The following TNFSF4 variants were observed in gnomAD, a reference collection of about 807,000 sequenced individuals.
TNFSF4 encodes the protein tumor necrosis factor ligand superfamily member 4.
TNFSF4 carries 4 observed loss-of-function variants against 7.3 expected under a neutral mutation model. That is an observed-to-expected ratio of 0.55 (90% CI 0.27 to 1.25). The LOEUF is 1.25. Ranked by LOEUF, TNFSF4 falls within the 50% of genes most tolerant of loss-of-function variation. The probability of loss-of-function intolerance (pLI) is 0.12; values close to 1 mark genes in which losing one functional copy is unlikely to be tolerated. For missense variants in TNFSF4, 181 were observed against 208.8 expected (o/e 0.87, Z 0.82); for synonymous variants, 76 against 83.7 (o/e 0.91, Z 0.50).
chr1:173,427,271 T>C, the TNFSF4 span, among the ~76,000 whole-genome samples: 1 of 152,100 alleles, frequency 6.6e-6, no homozygotes, highest in African/African-American at 2.4e-5. Context: ...CAACCAGGGA[T>C]GATTTTTCCC....
chr1:173,419,111 G>T, the TNFSF4 span, among the ~76,000 whole-genome samples: 1 of 152,236 alleles, frequency 6.6e-6, no homozygotes, highest in Middle Eastern at 3.4e-3. Flanking sequence ...AGGCCAAGGC[G>T]GGCAGATCAC....
chr1:173,224,932 A>G, the TNFSF4 span, among the ~76,000 whole-genome samples: 1 of 152,118 alleles, frequency 6.6e-6, no homozygotes, highest in Non-Finnish European at 1.5e-5. Context: ...TTAATTGACT[A>G]CACCATTCTC....
chr1:173,419,061 C>T, the TNFSF4 span, among the ~76,000 whole-genome samples: 14 of 152,314 alleles, frequency 9.2e-5, no homozygotes, highest in Non-Finnish European at 1.2e-4. Flanking sequence ...GTAACCTGGC[C>T]GGGTGCTGTG....
chr1:173,422,043 T>C, the TNFSF4 span, among the ~76,000 whole-genome samples: 2 of 152,032 alleles, frequency 1.3e-5, no homozygotes, highest in African/African-American at 4.8e-5. Flanking sequence ...CCCACAGCTA[T>C]ACGAGAACAC....
chr1:173,191,538 T>C (rs1382609602), intron 1 of TNFSF4, among the ~76,000 whole-genome samples: 1 of 152,190 alleles, frequency 6.6e-6, no homozygotes, highest in African/African-American at 2.4e-5. Context: ...GTCAAAGCTC[T>C]GAAGAGCCTG....
the TNFSF4 span, among the ~76,000 whole-genome samples, chr1:173,222,083 C>T: frequency 6.6e-6 from 1 of 152,166 alleles, no homozygotes; most frequent in Non-Finnish European, 1.5e-5. Flanking sequence ...GCATTATAAT[C>T]CTGGATTTAC....
chr1:173,412,551 C>T, the TNFSF4 span, among the ~76,000 whole-genome samples: 1 of 152,030 alleles, frequency 6.6e-6, no homozygotes, highest in Non-Finnish European at 1.5e-5. Context: ...AGTCAAAACG[C>T]AACTATGAGC....
chr1:173,230,266 T>A, the TNFSF4 span, among the ~76,000 whole-genome samples: 1 of 152,198 alleles, frequency 6.6e-6, no homozygotes, highest in Non-Finnish European at 1.5e-5. Context: ...GAACTCAGGA[T>A]TAAGAAACTC....
the TNFSF4 span, among the ~76,000 whole-genome samples, chr1:173,215,719 A>C: frequency 6.6e-6 from 1 of 152,212 alleles, no homozygotes; most frequent in African/African-American, 2.4e-5. Context: ...ATCAGCAATC[A>C]TCAACATCTT....
At chr1:173,247,637 GT>G in the TNFSF4 span, among the ~76,000 whole-genome samples, 1 of 151,560 alleles carries the variant, frequency 6.6e-6, no homozygotes, top group African/African-American at 2.4e-5. Context: ...TATTTTTTTT[GT>G]TTTTTAAAAT....
the TNFSF4 span, among the ~76,000 whole-genome samples, chr1:173,415,870 T>C: frequency 6.6e-6 from 1 of 152,198 alleles, no homozygotes; most frequent in Admixed American, 6.5e-5. Context: ...TCATAGTATT[T>C]TTGCCTAAAT....
the TNFSF4 span, among the ~76,000 whole-genome samples, chr1:173,235,111 G>C: frequency 1.3e-5 from 2 of 152,056 alleles, no homozygotes; most frequent in Admixed American, 6.5e-5. Context: ...CAACTTTATT[G>C]TTCAGAGAAG....
chr1:173,306,128 A>G, the TNFSF4 span, among the ~76,000 whole-genome samples: 1 of 143,832 alleles, frequency 7.0e-6, no homozygotes, highest in Non-Finnish European at 1.6e-5. Flanking sequence ...CATAATTGGA[A>G]GGAGATTTTT....
At chr1:173,222,864 T>C in the TNFSF4 span, among the ~76,000 whole-genome samples, 5 of 152,170 alleles carry the variant, frequency 3.3e-5, no homozygotes, top group Admixed American at 6.5e-5. Context: ...CATGTAGAAA[T>C]GAATCATCAA....
At chr1:173,306,320 G>A in the TNFSF4 span, among the ~76,000 whole-genome samples, 1 of 150,134 alleles carries the variant, frequency 6.7e-6, no homozygotes, top group African/African-American at 2.4e-5. Flanking sequence ...ACCTACTTCA[G>A]GCTTGGAAGC....
the TNFSF4 span, among the ~76,000 whole-genome samples, chr1:173,385,299 G>A: frequency 6.6e-6 from 1 of 152,020 alleles, no homozygotes; most frequent in East Asian, 1.9e-4. Flanking sequence ...TCATAACAAG[G>A]GCAAATACTG....
At chr1:173,296,955 A>G in the TNFSF4 span, among the ~76,000 whole-genome samples, 2 of 151,952 alleles carry the variant, frequency 1.3e-5, no homozygotes, top group Admixed American at 6.6e-5. Context: ...AAAAGCAGAT[A>G]TTACTACTTC....
the TNFSF4 span, among the ~76,000 whole-genome samples, chr1:173,344,162 T>C: frequency 6.6e-6 from 1 of 152,144 alleles, no homozygotes; most frequent in African/African-American, 2.4e-5. Flanking sequence ...ATCTCTCCCA[T>C]CAAAGGAATA....
At chr1:173,364,891 A>G in the TNFSF4 span, among the ~76,000 whole-genome samples, 1 of 152,098 alleles carries the variant, frequency 6.6e-6, no homozygotes, top group Non-Finnish European at 1.5e-5. Context: ...TTATGAATAT[A>G]AAATCAGGTA....
Sources: gnomAD v4.1 joint callset for allele counts (sites outside exome capture counted in the v4.1 genomes callset) on GRCh38, gnomAD v4.1.1 for gene constraint, MANE v1.5 for transcripts, NCBI Gene and HGNC (gene_info 2026-07-23, HGNC 2026-07-21) for gene names.